SLC14A1: variants seen among roughly 807,000 people sequenced by gnomAD.
The protein encoded by SLC14A1 is solute carrier family 14 member 1 (Kidd blood group), also known as urea transporter 1.
A neutral mutation model predicts 39.6 loss-of-function variants in SLC14A1; 36 were observed. That is an observed-to-expected ratio of 0.91 (90% confidence interval 0.70 to 1.20). The LOEUF is 1.20. SLC14A1 is among the 50% of genes most tolerant of loss of function. The pLI is 0.00. For missense variants in SLC14A1, 469 were observed against 478.7 expected, an observed-to-expected ratio of 0.98 and a Z score of 0.19; for synonymous variants, 164 against 173.6, an observed-to-expected ratio of 0.94 and a Z score of 0.43.
At chr18:45,734,151 C>A in intron 4 of SLC14A1, 123 bp from the exon 5 acceptor site, 1 of 1,269,360 alleles carries the variant, frequency 7.9e-7, no homozygotes, top group Non-Finnish European at 1.1e-6. Context: ...CTTTGAAATA[C>A]ATTTCCAAAT....
Position 45,751,786 on chromosome 18 carries a change from AAATT to A in SLC14A1, c.*1860_*1863del, listed in dbSNP as rs10676479. The stretch of plus-strand genomic sequence containing the variant: ...GACCGAGCAAGACCCTATCTCAAAA[AAATT>A]AATTAATTAATTAATTAATTAATTT... On this transcript the variant is annotated 3_prime_UTR_variant, in exon 10 of 10. Coordinates refer to ENST00000321925, the MANE Select transcript of SLC14A1 (RefSeq NM_015865.7). The A allele has an allele frequency of 8.8e-4, 736 of 831,688 alleles. 1 individual carries two copies. The highest frequency in any genetic ancestry group is 6.2e-3 in the African/African-American group (326 of 52,676). 51.5% of individuals were successfully genotyped at this position (831,688 alleles called of 1,614,324 possible).
chr18:45,742,647 C>T (rs1010167154), intron 8 of SLC14A1, among the ~76,000 whole-genome samples: 3 of 144,774 alleles, frequency 2.1e-5, no homozygotes, highest in East Asian at 2.1e-4. Context: ...TATGAGCCAC[C>T]GCACCTGGCG....
chr18:45,744,116 G>A (rs1039324053), intron 8 of SLC14A1, among the ~76,000 whole-genome samples: 7 of 151,792 alleles, frequency 4.6e-5, no homozygotes, highest in African/African-American at 1.2e-4. Context: ...GGGTTCAAGC[G>A]ATTCCTATGC....
At chr18:45,724,848 G>A (rs2046820851) in intron 1 of SLC14A1, 102 bp from the exon 2 acceptor site, 1 of 152,210 alleles carries the variant, frequency 6.6e-6, no homozygotes, top group Non-Finnish European at 1.5e-5. Flanking sequence ...ACTCTCTGGA[G>A]TCTGGAATCA....
intron 9 of SLC14A1, 78 bp from the exon 10 acceptor site, chr18:45,749,700 A>T: frequency 2.6e-6 from 4 of 1,553,434 alleles, no homozygotes; most frequent in Non-Finnish European, 2.7e-6. Context: ...GCTGAATGCA[A>T]GTAGAGGGGG....
intron 2 of SLC14A1, among the ~76,000 whole-genome samples, chr18:45,728,130 G>A (rs183035053): frequency 1.3e-3 from 195 of 152,242 alleles, no homozygotes; most frequent in African/African-American, 4.6e-3. Context: ...TTGGGCTGTC[G>A]ATTTGGAGAA....
chr18:45,751,713 G>C lies in SLC14A1; in HGVS notation c.*1762G>C, dbSNP rs952175349. 6 of 467,688 alleles carry C rather than the reference G, an allele frequency of 1.3e-5. No individual in the cohort carries two copies. The highest frequency in any genetic ancestry group is 1.3e-4 in the African/African-American group (6 of 46,808). 29.0% of individuals were successfully genotyped at this position (467,688 alleles called of 1,614,324 possible). A position where few individuals can be genotyped will look rare whatever the true frequency, so the allele number is the denominator to read the frequency against. On this transcript the variant is annotated 3_prime_UTR_variant, in exon 10 of 10. Transcript: ENST00000321925. ...AAAGATCGCTTGTGCACAGAAGTTC[G>C]AGGCTGCAGTGAGCTATATGATCAT...
chr18:45,730,868 C>A, intron 3 of SLC14A1, 147 bp from the exon 4 acceptor site: 1 of 757,744 alleles, frequency 1.3e-6, no homozygotes, highest in Non-Finnish European at 2.3e-6. Context: ...GCCACTAATG[C>A]AACAATGGGT....
At chr18:45,734,158 A>C in intron 4 of SLC14A1, 116 bp from the exon 5 acceptor site, 2 of 1,356,274 alleles carry the variant, frequency 1.5e-6, no homozygotes, top group Non-Finnish European at 2.1e-6. Context: ...ATACATTTCC[A>C]AATATAATCT....
chr18:45,741,038 A>G (rs2047359966), intron 8 of SLC14A1: 1 of 152,250 alleles, frequency 6.6e-6, no homozygotes, highest in South Asian at 2.1e-4. Context: ...AGGCTAAGGG[A>G]TGTGCCGCAG....
At chr18:45,733,788 G>C (rs1246901318) in intron 4 of SLC14A1, among the ~76,000 whole-genome samples, 1 of 152,174 alleles carries the variant, frequency 6.6e-6, no homozygotes, top group South Asian at 2.1e-4. Context: ...GAACTGGGCC[G>C]CACAGCAGGA....
At position 45,736,627 on chromosome 18, in the gene SLC14A1, G is replaced by GA; in HGVS notation, c.642_643insA (p.Ser215IlefsTer2). ...TAACTACAGCTCCAAATATCTCCTG[G>GA]TCTGACCTCAGTGCCCTGGAGGTAA... On this transcript the variant is annotated frameshift_variant, in exon 6 of 10. Transcript: ENST00000321925. LOFTEE classifies it high-confidence loss of function. 3 of 1,614,032 alleles carry GA rather than the reference G, an allele frequency of 1.9e-6. No individual in the cohort carries two copies. The highest frequency in any genetic ancestry group is 2.5e-6 in the Non-Finnish European group (3 of 1,179,996).
Position 45,727,204 on chromosome 18 carries a change from G to T in SLC14A1, c.-22+2191G>T, listed in dbSNP as rs2046888764. 3 of 1,518,978 alleles carry T rather than the reference G, an allele frequency of 2.0e-6. No homozygotes were observed. In the African/African-American group the frequency reaches 4.1e-5, roughly 21 times the overall value. The allele number at this position is 1,518,978 out of a possible 1,614,324, so 94.1% of individuals were successfully genotyped here. On this transcript the variant is annotated intron_variant, in intron 2 of 9. Coordinates refer to ENST00000321925, the MANE Select transcript of SLC14A1 (RefSeq NM_015865.7). ...CAGCTTGCCTTTTGCGTGGTCATTA[G>T]AGCTAGGGCACACGTCATGCTGATT...
intron 8 of SLC14A1, among the ~76,000 whole-genome samples, chr18:45,740,722 G>C (rs28898886): frequency 0.033 from 5,068 of 151,998 alleles, 260 homozygotes; most frequent in African/African-American, 0.12. Flanking sequence ...ATTTTTTATA[G>C]AGATGGGGTC....
At chr18:45,747,254 TGTGA>T (rs1245409794) in intron 8 of SLC14A1, 1 of 152,224 alleles carries the variant, frequency 6.6e-6, no homozygotes, top group African/African-American at 2.4e-5. Context: ...CCTGAGCCTC[TGTGA>T]GCCTTCTCTT....
chr18:45,738,429 G>A (rs2047260036), intron 6 of SLC14A1, among the ~76,000 whole-genome samples: 1 of 152,198 alleles, frequency 6.6e-6, no homozygotes. Context: ...GTTCACTCCT[G>A]AGAACTGCAA....
intron 8 of SLC14A1, among the ~76,000 whole-genome samples, chr18:45,742,946 A>G (rs1245924826): frequency 6.6e-6 from 1 of 152,194 alleles, no homozygotes; most frequent in African/African-American, 2.4e-5. Flanking sequence ...TTGGCCTCCC[A>G]AAGTGCTGGG....
intron 3 of SLC14A1, 127 bp downstream of exon 3, chr18:45,730,598 T>G: frequency 9.1e-7 from 1 of 1,101,580 alleles, no homozygotes. Context: ...CTCACCATTT[T>G]TCTACTTTTA....
intron 3 of SLC14A1, 79 bp downstream of exon 3, chr18:45,730,550 C>T (rs926279218): frequency 2.0e-6 from 3 of 1,468,406 alleles, no homozygotes; most frequent in East Asian, 2.3e-5. Context: ...CTACTTATAC[C>T]TTTAGTTATA....
Sources: allele counts gnomAD v4.1 joint callset (sites outside exome capture counted in the v4.1 genomes callset), GRCh38; gene constraint gnomAD v4.1.1; transcripts MANE v1.5; gene names NCBI Gene and HGNC (gene_info 2026-07-23, HGNC 2026-07-21).